The following MAN1A2 variants were observed in gnomAD, a reference collection of about 807,000 sequenced individuals.
The protein encoded by MAN1A2 is mannosyl-oligosaccharide 1,2-alpha-mannosidase IB.
Under a neutral mutation model 75.7 loss-of-function variants are expected in MAN1A2, and 26 were observed. That is an observed-to-expected ratio of 0.34 (90% confidence interval 0.25 to 0.48). The LOEUF is 0.48. Among genes scored for constraint, MAN1A2 ranks in the 20% least tolerant of loss-of-function variants. The pLI, the probability that MAN1A2 is intolerant of heterozygous loss-of-function variation, is 0.99. For missense variants in MAN1A2, 562 were observed against 775.5 expected (o/e 0.72, Z 3.27); for synonymous variants, 247 against 264.6 (o/e 0.93, Z 0.65).
intron 8 of MAN1A2, among the ~76,000 whole-genome samples, chr1:117,469,621 C>T (rs1025883142): frequency 1.3e-5 from 2 of 152,050 alleles, no homozygotes; most frequent in African/African-American, 4.8e-5. Context: ...TAACAGAAGG[C>T]AAACTACCTA....
rs569788078 is a variant in MAN1A2 at position 117,368,043 on chromosome 1, T to G, written c.-141T>G. On this transcript the variant is annotated 5_prime_UTR_variant, in exon 1 of 13. Coordinates refer to ENST00000356554, the MANE Select transcript of MAN1A2 (RefSeq NM_006699.5). ...ATGGATGGGCGTGAATGACGTGCCCTCTTAAAAAGCACAACAGTCCTTTAA... is the reference window on the plus strand; with the variant it reads ...ATGGATGGGCGTGAATGACGTGCCCGCTTAAAAAGCACAACAGTCCTTTAA... The G allele has an allele frequency of 2.0e-5, 15 of 764,838 alleles. No homozygotes were observed. The African/African-American group carries it at 2.2e-4, about 11-fold the overall frequency. The allele number at this position is 764,838 out of a possible 1,614,324, so 47.4% of individuals were successfully genotyped here.
intron 6 of MAN1A2, among the ~76,000 whole-genome samples, chr1:117,445,758 C>T (rs1238422740): frequency 6.6e-6 from 1 of 151,122 alleles, no homozygotes; most frequent in Non-Finnish European, 1.5e-5. Context: ...AACTCCCGAG[C>T]TCAAGTGATC....
rs1553236644 is a variant in MAN1A2, at chr1:117,458,522, T to TA, written c.951-1966dup. ...CTATATATATATATAGATATATATA[T>TA]ATTTTTTTTTTTTTTTTTGAGACAG... On this transcript the variant is annotated intron_variant, in intron 6 of 12. Transcript: ENST00000356554. Among the ~76,000 whole-genome samples, 86 of 90,108 alleles carry TA rather than the reference T, an allele frequency of 9.5e-4. 1 individual carries two copies. Among genetic ancestry groups the TA allele is most frequent in the East Asian group, 3.2e-3 (11 of 3,482 alleles). 59.1% of individuals were successfully genotyped at this position (90,108 alleles called of 152,430 possible). A position where few individuals can be genotyped will look rare whatever the true frequency, so the allele number is the denominator to read the frequency against.
At chr1:117,473,402 T>C (rs1650222988) in intron 8 of MAN1A2, among the ~76,000 whole-genome samples, 1 of 152,042 alleles carries the variant, frequency 6.6e-6, no homozygotes, top group Non-Finnish European at 1.5e-5. Context: ...GGCCTTTCTG[T>C]TTCTGCCTCT....
At position 117,527,490 on chromosome 1, in the gene MAN1A2, T is replaced by C; in HGVS notation, c.*4533T>C. On this transcript the variant is annotated 3_prime_UTR_variant, in exon 13 of 13. Transcript: ENST00000356554. The stretch of plus-strand genomic sequence containing the variant: ...GTGCGTATATATGGTTGTGTGTATC[T>C]GTATAACCTAAAGCTATAATATTTT... The C allele has an allele frequency of 6.6e-6, 1 of 152,026 alleles. No homozygotes were observed. Among genetic ancestry groups the C allele is most frequent in the Non-Finnish European group, 1.5e-5 (1 of 67,930 alleles). The allele number at this position is 152,026 out of a possible 1,614,324, so 9.4% of individuals were successfully genotyped here. A position where few individuals can be genotyped will look rare whatever the true frequency, so the allele number is the denominator to read the frequency against.
intron 4 of MAN1A2, among the ~76,000 whole-genome samples, chr1:117,415,914 AAC>A (rs1647975113): frequency 6.6e-6 from 1 of 152,156 alleles, no homozygotes; most frequent in South Asian, 2.1e-4. Flanking sequence ...AGAGTTTACT[AAC>A]ACAGCCTCAA....
At position 117,482,509 on chromosome 1, in the gene MAN1A2, A is replaced by C. The variant is rs140035043; in HGVS notation, c.1169-10638A>C. On this transcript the variant is annotated intron_variant, in intron 8 of 12. Transcript: ENST00000356554. ...TTTCATGTGTCTGTTGGCTGCATAT[A>C]CAGACATATATATATGTCTCAAAAG... Among the ~76,000 whole-genome samples, 632 of 152,106 alleles carry C rather than the reference A, an allele frequency of 4.2e-3. 4 individuals are homozygous for C. Among genetic ancestry groups the C allele is most frequent in the African/African-American group, 0.015 (604 of 41,554 alleles).
At position 117,368,250 on chromosome 1, in the gene MAN1A2, T is replaced by C. The variant is rs759342973; in HGVS notation, c.67T>C (p.Ser23Pro). The C allele has an allele frequency of 6.2e-7, 1 of 1,614,152 alleles. No homozygotes were observed. Among genetic ancestry groups the C allele is most frequent in the Middle Eastern group, 1.6e-4 (1 of 6,062 alleles). ...ACCACCTCTGAACCTGGGGCCGCCTTCCTTCCCACATCACAGGGCTACCTT... is the reference window on the plus strand; with the variant it reads ...ACCACCTCTGAACCTGGGGCCGCCTCCCTTCCCACATCACAGGGCTACCTT... The part of the protein sequence containing the change: ...RIPPLNLGPP[S>P]FPHHRATLRL... Residue 23 changes from serine to proline, a missense_variant, in exon 1 of 13, where the codon TCC becomes CCC. Physicochemically the swap from Ser to Pro is moderately conservative, Grantham distance 74. Transcript: ENST00000356554.
intron 5 of MAN1A2, among the ~76,000 whole-genome samples, chr1:117,435,889 C>T (rs1307302581): frequency 6.6e-6 from 1 of 152,034 alleles, no homozygotes; most frequent in Non-Finnish European, 1.5e-5. Context: ...GAAACCCTCT[C>T]TCTACTAAAA....
At chr1:117,509,092 A>G (rs1291108538) in intron 12 of MAN1A2, among the ~76,000 whole-genome samples, 1 of 151,316 alleles carries the variant, frequency 6.6e-6, no homozygotes, top group Admixed American at 6.6e-5. Flanking sequence ...TGAAGAAAAG[A>G]TTGAGAATTC....
intron 9 of MAN1A2, among the ~76,000 whole-genome samples, chr1:117,495,202 G>A (rs1222075699): frequency 6.6e-6 from 1 of 151,378 alleles, no homozygotes; most frequent in African/African-American, 2.4e-5. Flanking sequence ...AAATATTTCT[G>A]TACTTGCTTT....
At chr1:117,475,950 C>A (rs185498396) in intron 8 of MAN1A2, among the ~76,000 whole-genome samples, 2 of 152,122 alleles carry the variant, frequency 1.3e-5, no homozygotes, top group East Asian at 3.9e-4. Context: ...ACTATCTTCC[C>A]CAATGGTTGA....
intron 1 of MAN1A2, among the ~76,000 whole-genome samples, chr1:117,373,909 T>G (rs1653057140): frequency 1.5e-5 from 1 of 65,530 alleles, no homozygotes; most frequent in Non-Finnish European, 3.2e-5. Flanking sequence ...TGGTAAACAT[T>G]AATTGATTTT....
At chr1:117,434,805 A>G (rs1347065698) in intron 5 of MAN1A2, among the ~76,000 whole-genome samples, 1 of 149,174 alleles carries the variant, frequency 6.7e-6, no homozygotes, top group Non-Finnish European at 1.5e-5. Flanking sequence ...GTATCCATTC[A>G]GTCAGCTAGT....
chr1:117,508,103 T>C (rs889035221), intron 12 of MAN1A2, among the ~76,000 whole-genome samples: 5 of 151,706 alleles, frequency 3.3e-5, no homozygotes, highest in African/African-American at 1.2e-4. Context: ...GTGTGTATTA[T>C]TTTATATATG....
chr1:117,407,202 C>A (rs1023303247), intron 3 of MAN1A2, among the ~76,000 whole-genome samples: 10 of 152,106 alleles, frequency 6.6e-5, no homozygotes, highest in Admixed American at 5.9e-4. Flanking sequence ...TCTTTTCCAG[C>A]CAGATAAGCT....
intron 1 of MAN1A2, among the ~76,000 whole-genome samples, chr1:117,371,671 C>A (rs532943882): frequency 1.3e-5 from 2 of 152,068 alleles, no homozygotes; most frequent in Non-Finnish European, 2.9e-5. Flanking sequence ...ATGGCTGTTG[C>A]AGAGGGTGTG....
At chr1:117,384,702 C>T (rs749563177) in intron 1 of MAN1A2, among the ~76,000 whole-genome samples, 47 of 152,046 alleles carry the variant, frequency 3.1e-4, no homozygotes, top group Admixed American at 1.3e-4. Flanking sequence ...GTCTGTTTCT[C>T]CCTTCATTTC....
intron 8 of MAN1A2, among the ~76,000 whole-genome samples, chr1:117,487,040 A>T (rs1650729950): frequency 6.6e-6 from 1 of 152,020 alleles, no homozygotes; most frequent in African/African-American, 2.4e-5. Flanking sequence ...TATCAATTAT[A>T]CTGGATGTTA....
Sources: gnomAD v4.1 joint callset for allele counts (sites outside exome capture counted in the v4.1 genomes callset) on GRCh38, gnomAD v4.1.1 for gene constraint, MANE v1.5 for transcripts, NCBI Gene and HGNC (gene_info 2026-07-23, HGNC 2026-07-21) for gene names.